Variants in GOSR2 observed in about 807,000 individuals in gnomAD.
GOSR2 encodes the protein 27 kDa Golgi SNARE protein.
In GOSR2, 20 loss-of-function variants were observed where a neutral mutation model predicts 27.9. That is an observed-to-expected ratio of 0.72 (90% CI 0.50 to 1.04). The LOEUF (loss-of-function observed/expected upper bound fraction) is 1.04, where lower values mean the gene tolerates loss of function less well. Among genes scored for constraint, GOSR2 ranks in the 50% least tolerant of loss-of-function variants. GOSR2 has a pLI of 0.00. For missense variants in GOSR2, 261 were observed against 270.5 expected (o/e 0.97, Z 0.25); for synonymous variants, 91 against 98.8 (o/e 0.92, Z 0.47).
rs912789763 is a variant in GOSR2 at position 46,929,838 on chromosome 17, C to T, written c.94+254C>T. ...GGCCCTATGGGAATGGAAGCGCTTG[C>T]CTCCATCTATCTTAATCTAATTACC... On this transcript the variant is annotated intron_variant, in intron 2 of 5. Coordinates refer to ENST00000640051, the MANE Select transcript of GOSR2 (RefSeq NM_004287.5). 1.3e-4 allele frequency: 63 copies of T among 488,338 alleles called. No homozygotes were observed. The Admixed American group carries it at 2.1e-3, about 16-fold the overall frequency. The allele number at this position is 488,338 out of a possible 1,614,324, so 30.3% of individuals were successfully genotyped here.
intron 5 of GOSR2, chr17:46,936,239 A>G (rs564823729): frequency 8.1e-6 from 8 of 985,076 alleles, no homozygotes; most frequent in Non-Finnish European, 8.4e-6. Flanking sequence ...GAAAACTGCT[A>G]CTCTCCTTTT....
At position 46,938,845 on chromosome 17, in the gene GOSR2, G is replaced by A. The variant is rs949794175; in HGVS notation, c.*85G>A. On this transcript the variant is annotated 3_prime_UTR_variant, in exon 6 of 6. Coordinates refer to ENST00000640051, the MANE Select transcript of GOSR2 (RefSeq NM_004287.5). ...AAAGAGAGAGGGGGGCCCAGAGGCCGCCTTTTGAAATGTTTGCCTGTCTGA... is the reference window on the plus strand; with the variant it reads ...AAAGAGAGAGGGGGGCCCAGAGGCCACCTTTTGAAATGTTTGCCTGTCTGA... The A allele has an allele frequency of 1.3e-4, 207 of 1,600,694 alleles. No individual in the cohort carries two copies. The highest frequency in any genetic ancestry group is 1.6e-4 in the Non-Finnish European group (193 of 1,175,816).
rs1042205611 is a variant in GOSR2, at chr17:46,927,694, G to C, written c.30-1826G>C. Among the ~76,000 whole-genome samples the C allele has an allele frequency of 3.9e-5, 6 of 152,096 alleles. No individual in the cohort carries two copies. In the East Asian group the frequency reaches 5.8e-4, roughly 15 times the overall value. ...GTCTAGGCTGTTTCTTTCCTCTTGG[G>C]CCAGCTGTAGGGTTTGCCTTTCCTT... is the stretch of plus-strand genomic sequence containing the variant. On this transcript the variant is annotated intron_variant, in intron 1 of 5. Transcript: ENST00000640051.
downstream of GOSR2, among the ~76,000 whole-genome samples, chr17:46,942,295 G>A (rs2089388253): frequency 2.6e-5 from 4 of 152,232 alleles, no homozygotes; most frequent in South Asian, 8.3e-4. Flanking sequence ...CAGCTTGCCT[G>A]TAGGCCTCAC....
Position 46,941,421 on chromosome 17 carries a change from T to G in GOSR2, c.*2661T>G, listed in dbSNP as rs930165998. On this transcript the variant is annotated 3_prime_UTR_variant, in exon 6 of 6. Transcript: ENST00000640051. ...TTTATAACTAATGGCCCCCTTTTTT[T>G]ATGTTTCTAGGCCAGAGATTCTCAA... is the stretch of plus-strand genomic sequence containing the variant. The G allele has an allele frequency of 1.0e-5, 10 of 984,326 alleles. No individual in the cohort carries two copies. Among genetic ancestry groups the G allele is most frequent in the Non-Finnish European group, 7.2e-6 (6 of 829,064 alleles). The allele number at this position is 984,326 out of a possible 1,614,324, so 61.0% of individuals were successfully genotyped here.
chr17:46,928,117 C>T (rs55807756), intron 1 of GOSR2, among the ~76,000 whole-genome samples: 2,162 of 152,154 alleles, frequency 0.014, 50 homozygotes, highest in African/African-American at 0.05. Flanking sequence ...ACTTACTTTC[C>T]GGAAGCAACG....
At chr17:46,924,806 C>T (rs933819558) in intron 1 of GOSR2, among the ~76,000 whole-genome samples, 1 of 152,148 alleles carries the variant, frequency 6.6e-6, no homozygotes, top group Non-Finnish European at 1.5e-5. Context: ...AAATTATGTT[C>T]ATGTTACTAA....
At chr17:46,926,894 G>A (rs572573511) in intron 1 of GOSR2, among the ~76,000 whole-genome samples, 8 of 152,290 alleles carry the variant, frequency 5.3e-5, no homozygotes, top group Admixed American at 5.2e-4. Context: ...TCTCCTCAGG[G>A]TATGCCAGAA....
rs747281760 is a variant in GOSR2, at chr17:46,963,507, G to A, written c.584-3027G>A. 9.4e-5 allele frequency among the ~76,000 whole-genome samples: 14 copies of A among 148,788 alleles called. 1 individual carries two copies. The Middle Eastern group carries it at 0.021, about 221-fold the overall frequency. On this transcript the variant is annotated intron_variant, in intron 6 of 6. Coordinates refer to the GOSR2 transcript ENST00000573224. ...TTACAGTGAGCCAAGATCACACCACGCACTCCAGCCTGGGCGACAGAGTGA... is the reference window on the plus strand; with the variant it reads ...TTACAGTGAGCCAAGATCACACCACACACTCCAGCCTGGGCGACAGAGTGA...
At chr17:46,968,139 A>G (rs1431777149), downstream of GOSR2, among the ~76,000 whole-genome samples, 1 of 151,944 alleles carries the variant, frequency 6.6e-6, no homozygotes. Flanking sequence ...CCTTCTCTTC[A>G]GCTCCAACAA....
At chr17:46,931,009 G>T in intron 2 of GOSR2, 90 bp from the exon 3 acceptor site, 1 of 765,240 alleles carries the variant, frequency 1.3e-6, no homozygotes, top group South Asian at 1.4e-5. Flanking sequence ...CTAGTTTATT[G>T]GATATTGAAA....
Position 46,934,907 on chromosome 17 carries a change from G to A in GOSR2, c.337-122G>A, listed in dbSNP as rs140407362. ...TGCTTTTTCTTATCCATTAGGGTCC[G>A]CTGATTCTTTCACCAGCCCCTCCGG... On this transcript the variant is annotated intron_variant, in intron 4 of 5. Transcript: ENST00000640051. The A allele has an allele frequency of 6.8e-4, 587 of 867,464 alleles. 3 individuals carry two copies. Among genetic ancestry groups the A allele is most frequent in the African/African-American group, 5.9e-3 (362 of 60,926 alleles). 53.7% of individuals were successfully genotyped at this position (867,464 alleles called of 1,614,324 possible). A position where few individuals can be genotyped will look rare whatever the true frequency, so the allele number is the denominator to read the frequency against.
Position 46,940,007 on chromosome 17 carries a change from G to A in GOSR2, c.*1247G>A, listed in dbSNP as rs952905657. 4 of 1,007,676 alleles carry A rather than the reference G, an allele frequency of 4.0e-6. No individual in the cohort carries two copies. Among genetic ancestry groups the A allele is most frequent in the African/African-American group, 1.7e-5 (1 of 57,878 alleles). The allele number at this position is 1,007,676 out of a possible 1,614,324, so 62.4% of individuals were successfully genotyped here. A position where few individuals can be genotyped will look rare whatever the true frequency, so the allele number is the denominator to read the frequency against. ...TCAAAATCCTTCAGATCTGGAAACCGGCTCAGTATTAACCCTACCTTTGGT... is the reference window on the plus strand; with the variant it reads ...TCAAAATCCTTCAGATCTGGAAACCAGCTCAGTATTAACCCTACCTTTGGT... On this transcript the variant is annotated 3_prime_UTR_variant, in exon 6 of 6. Coordinates refer to ENST00000640051, the MANE Select transcript of GOSR2 (RefSeq NM_004287.5).
intron 6 of GOSR2, among the ~76,000 whole-genome samples, chr17:46,961,710 CAT>C (rs2091060448): frequency 6.6e-6 from 1 of 151,988 alleles, no homozygotes; most frequent in South Asian, 2.1e-4. Context: ...AATATAACGA[CAT>C]AGAAAATTTG....
rs2089057305 is a variant in GOSR2, at chr17:46,940,171, C to T, written c.*1411C>T. ...TAGTCATGTTGGTCCTTTCAGGCAC[C>T]TCTGTGGCATAGCTCCCCTTTGGTA... On this transcript the variant is annotated 3_prime_UTR_variant, in exon 6 of 6. Transcript: ENST00000640051. The T allele has an allele frequency of 7.4e-7, 1 of 1,348,566 alleles. No homozygotes were observed. The highest frequency in any genetic ancestry group is 9.5e-7 in the Non-Finnish European group (1 of 1,047,690). 83.5% of individuals were successfully genotyped at this position (1,348,566 alleles called of 1,614,324 possible). A position where few individuals can be genotyped will look rare whatever the true frequency, so the allele number is the denominator to read the frequency against.
Position 46,940,164 on chromosome 17 carries a change from C to G in GOSR2, c.*1404C>G. ...TGCTCTGTAGTCATGTTGGTCCTTT[C>G]AGGCACCTCTGTGGCATAGCTCCCC... On this transcript the variant is annotated 3_prime_UTR_variant, in exon 6 of 6. Transcript: ENST00000640051. 7.5e-7 allele frequency: 1 copy of G among 1,332,396 alleles called. No homozygotes were observed. Among genetic ancestry groups the G allele is most frequent in the Non-Finnish European group, 9.6e-7 (1 of 1,038,204 alleles). 82.5% of individuals were successfully genotyped at this position (1,332,396 alleles called of 1,614,324 possible).
intron 5 of GOSR2, 77 bp downstream of exon 5, chr17:46,935,246 T>C: frequency 6.2e-7 from 1 of 1,609,732 alleles, no homozygotes; most frequent in East Asian, 2.2e-5. Flanking sequence ...TGTGTTTATA[T>C]TTTGATTACG....
At chr17:46,951,196 C>T (rs1451137649) in intron 6 of GOSR2, among the ~76,000 whole-genome samples, 1 of 152,180 alleles carries the variant, frequency 6.6e-6, no homozygotes, top group Non-Finnish European at 1.5e-5. Flanking sequence ...TAGGAGGAGG[C>T]AGACAGAGGT....
intron 6 of GOSR2, among the ~76,000 whole-genome samples, chr17:46,947,651 C>G (rs549524150): frequency 6.6e-6 from 1 of 152,308 alleles, no homozygotes; most frequent in African/African-American, 2.4e-5. Context: ...TATTAGCAGC[C>G]TGACCTTGGG....
Sources: gnomAD v4.1 joint callset for allele counts (sites outside exome capture counted in the v4.1 genomes callset) on GRCh38, gnomAD v4.1.1 for gene constraint, MANE v1.5 for transcripts, NCBI Gene and HGNC (gene_info 2026-07-23, HGNC 2026-07-21) for gene names.